ZFHX3: variants seen among roughly 807,000 people sequenced by gnomAD.
The protein encoded by ZFHX3 is zinc finger homeobox 3.
A neutral mutation model predicts 279.1 loss-of-function variants in ZFHX3; 42 were observed. The ratio of observed to expected loss-of-function variants is 0.15; its 90% CI spans 0.12 to 0.19. The LOEUF is 0.19. ZFHX3 is among the 10% of genes least tolerant of loss of function. The probability of loss-of-function intolerance (pLI) is 1.00; values close to 1 mark genes in which losing one functional copy is unlikely to be tolerated. For synonymous variants in ZFHX3, 2,293 were observed against 1,957.8 expected (o/e 1.17, Z -4.52); for missense variants, 4,981 against 4,754.0 (o/e 1.05, Z -1.40).
At chr16:72,933,571 C>T (rs1251267192) in intron 3 of ZFHX3, among the ~76,000 whole-genome samples, 2 of 152,108 alleles carry the variant, frequency 1.3e-5, no homozygotes, top group South Asian at 2.1e-4. Context: ...TCTCTTTATC[C>T]TGCTATCAAT....
At chr16:73,110,578 CT>C (rs1377493745) in intron 7 of ZFHX3, among the ~76,000 whole-genome samples, 1 of 152,044 alleles carries the variant, frequency 6.6e-6, no homozygotes, top group Non-Finnish European at 1.5e-5. Flanking sequence ...TTTGTCCCAG[CT>C]TTTTTTGGAG....
intron 3 of ZFHX3, among the ~76,000 whole-genome samples, chr16:73,342,278 T>C (rs2016045968): frequency 6.6e-6 from 1 of 152,202 alleles, no homozygotes; most frequent in Non-Finnish European, 1.5e-5. Flanking sequence ...ACTACGTATT[T>C]GTACACCTAG....
chr16:73,851,523 A>T (rs1961593705), intron 1 of ZFHX3, among the ~76,000 whole-genome samples: 1 of 152,258 alleles, frequency 6.6e-6, no homozygotes. Context: ...AATGGATAAA[A>T]TAACTTCAAA....
At chr16:73,539,858 T>C (rs1025496990) in intron 2 of ZFHX3, among the ~76,000 whole-genome samples, 3 of 152,170 alleles carry the variant, frequency 2.0e-5, no homozygotes, top group Non-Finnish European at 4.4e-5. Flanking sequence ...GGTTACTGAA[T>C]ACATGAAACT....
chr16:72,894,958 C>G (rs2038861964), intron 3 of ZFHX3, among the ~76,000 whole-genome samples: 1 of 152,178 alleles, frequency 6.6e-6, no homozygotes, highest in Non-Finnish European at 1.5e-5. Flanking sequence ...TTTGTTGGGT[C>G]AGGAGTGTAA....
At chr16:73,843,703 G>A (rs780196127) in intron 1 of ZFHX3, among the ~76,000 whole-genome samples, 2 of 152,110 alleles carry the variant, frequency 1.3e-5, no homozygotes, top group African/African-American at 4.8e-5. Flanking sequence ...TTAATCAGTG[G>A]GTTTACTTAG....
intron 3 of ZFHX3, among the ~76,000 whole-genome samples, chr16:73,427,894 G>T (rs1039447018): frequency 6.6e-6 from 1 of 152,114 alleles, no homozygotes; most frequent in Non-Finnish European, 1.5e-5. Flanking sequence ...AGTGAGCCAA[G>T]ATTGTGTCAC....
chr16:73,660,804 A>T (rs2052774813), intron 2 of ZFHX3, among the ~76,000 whole-genome samples: 3 of 152,190 alleles, frequency 2.0e-5, no homozygotes, highest in Admixed American at 2.0e-4. Context: ...GTCATAGATA[A>T]TGATTGTTAA....
At chr16:73,850,516 G>A (rs1279998840) in intron 1 of ZFHX3, among the ~76,000 whole-genome samples, 1 of 152,154 alleles carries the variant, frequency 6.6e-6, no homozygotes, top group Non-Finnish European at 1.5e-5. Context: ...GAACTCTCGG[G>A]GAAAAGGGAG....
chr16:72,990,992 TAAAAA>T (rs567600620), intron 1 of ZFHX3, among the ~76,000 whole-genome samples: 2,076 of 134,784 alleles, frequency 0.015, 51 homozygotes, highest in African/African-American at 0.053. Context: ...AAAATAAAAT[TAAAAA>T]AAAAAAAAGA....
intron 3 of ZFHX3, among the ~76,000 whole-genome samples, chr16:72,939,562 C>T (rs888482570): frequency 6.6e-6 from 1 of 152,222 alleles, no homozygotes; most frequent in Non-Finnish European, 1.5e-5. Context: ...AAACACCAAA[C>T]CCCGACATTA....
At chr16:73,367,734 G>A (rs2016555111) in intron 3 of ZFHX3, among the ~76,000 whole-genome samples, 1 of 152,256 alleles carries the variant, frequency 6.6e-6, no homozygotes, top group East Asian at 1.9e-4. Flanking sequence ...CTTCCCATCT[G>A]TAAAATGGGT....
intron 2 of ZFHX3, among the ~76,000 whole-genome samples, chr16:73,559,946 C>T (rs921818138): frequency 6.6e-6 from 1 of 152,132 alleles, no homozygotes; most frequent in African/African-American, 2.4e-5. Context: ...TTTTATAAGA[C>T]AAATATTATC....
At chr16:72,842,911 A>G (rs533479781) in intron 4 of ZFHX3, among the ~76,000 whole-genome samples, 1 of 152,346 alleles carries the variant, frequency 6.6e-6, no homozygotes, top group East Asian at 1.9e-4. Context: ...AAGAAAAGAT[A>G]AAAGGGACAT....
intron 2 of ZFHX3, among the ~76,000 whole-genome samples, chr16:73,598,109 G>C (rs946926172): frequency 6.6e-6 from 1 of 152,136 alleles, no homozygotes; most frequent in Non-Finnish European, 1.5e-5. Context: ...AGGAACTCCA[G>C]GAGCCTTGGA....
chr16:73,252,681 G>A (rs1047951049), intron 5 of ZFHX3, among the ~76,000 whole-genome samples: 13 of 152,126 alleles, frequency 8.5e-5, no homozygotes, highest in Admixed American at 6.6e-5. Flanking sequence ...GGGAGGAGCA[G>A]CAAATGTAGA....
chr16:72,877,609 A>G (rs1341445016), intron 4 of ZFHX3, among the ~76,000 whole-genome samples: 1 of 152,224 alleles, frequency 6.6e-6, no homozygotes, highest in Non-Finnish European at 1.5e-5. Context: ...CTCAAGTTAA[A>G]AGGACAAAAG....
At chr16:73,069,335 A>G (rs1417430766) in intron 8 of ZFHX3, among the ~76,000 whole-genome samples, 1 of 152,208 alleles carries the variant, frequency 6.6e-6, no homozygotes, top group Non-Finnish European at 1.5e-5. Flanking sequence ...AGGGATGTTA[A>G]GCGGGTGGCA....
intron 2 of ZFHX3, among the ~76,000 whole-genome samples, chr16:73,575,583 A>G (rs1051555778): frequency 1.8e-4 from 28 of 152,192 alleles, no homozygotes; most frequent in African/African-American, 6.8e-4. Flanking sequence ...GCAACATATT[A>G]AGACTTGTCT....
Sources: allele counts gnomAD v4.1 joint callset (sites outside exome capture counted in the v4.1 genomes callset), GRCh38; gene constraint gnomAD v4.1.1; transcripts MANE v1.5; gene names NCBI Gene and HGNC (gene_info 2026-07-23, HGNC 2026-07-21).